The following VAT1L variants were observed in gnomAD, a reference collection of about 807,000 sequenced individuals.
The protein encoded by VAT1L is putative NADPH-dependent quinone oxidoreductase VAT1L.
Under a neutral mutation model 44.1 loss-of-function variants are expected in VAT1L, and 34 were observed. The ratio of observed to expected loss-of-function variants is 0.77; its 90% confidence interval spans 0.59 to 1.03. VAT1L has a LOEUF of 1.03. Among genes scored for constraint, VAT1L ranks in the 50% least tolerant of loss-of-function variants. The pLI, the probability that VAT1L is intolerant of heterozygous loss-of-function variation, is 0.00. For missense variants in VAT1L, 615 were observed against 538.8 expected (o/e 1.14, Z -1.40); for synonymous variants, 253 against 202.2 (o/e 1.25, Z -2.13).
At chr16:77,790,434 C>G (rs896409515) in intron 1 of VAT1L, among the ~76,000 whole-genome samples, 1 of 152,160 alleles carries the variant, frequency 6.6e-6, no homozygotes, top group Admixed American at 6.5e-5. Context: ...GTTTGGCCCA[C>G]TGCACATCCT....
rs146654986 is a variant in VAT1L, at chr16:77,928,939, G to A, written c.1078-42911G>A. On this transcript the variant is annotated intron_variant, in intron 7 of 8. Transcript: ENST00000302536. ...TCAAGCGATCCTGCCTCAGCCTCCCGAGCAGCTGGGACTACAGGTGCGCAC... is the reference window on the plus strand; with the variant it reads ...TCAAGCGATCCTGCCTCAGCCTCCCAAGCAGCTGGGACTACAGGTGCGCAC... 9.4e-4 allele frequency among the ~76,000 whole-genome samples: 143 copies of A among 152,122 alleles called. 1 individual carries two copies. Among genetic ancestry groups the A allele is most frequent in the East Asian group, 5.4e-3 (28 of 5,156 alleles).
At chr16:77,801,208 A>G (rs1597164740) in intron 1 of VAT1L, 1 of 149,870 alleles carries the variant, frequency 6.7e-6, no homozygotes, top group East Asian at 2.0e-4. Context: ...TGTGATACCA[A>G]GCATCCTACC....
intron 7 of VAT1L, among the ~76,000 whole-genome samples, chr16:77,922,523 G>C (rs762356973): frequency 1.3e-5 from 2 of 152,170 alleles, no homozygotes; most frequent in African/African-American, 4.8e-5. Flanking sequence ...ACAGGCAGCT[G>C]TCAGCGGCTT....
chr16:77,861,875 T>G (rs1193721523), intron 3 of VAT1L, among the ~76,000 whole-genome samples: 2 of 152,270 alleles, frequency 1.3e-5, no homozygotes, highest in Non-Finnish European at 2.9e-5. Flanking sequence ...CCAGAGGGAT[T>G]GAGCTCCAGT....
intron 1 of VAT1L, among the ~76,000 whole-genome samples, chr16:77,810,858 T>C (rs1011305105): frequency 6.6e-6 from 1 of 152,172 alleles, no homozygotes; most frequent in East Asian, 1.9e-4. Context: ...TAAATATATA[T>C]TGTAGCAAAT....
chr16:77,946,279 C>CTTTTTTGTTTTTTTTTTTTTTTTT (rs2017963751), intron 7 of VAT1L, among the ~76,000 whole-genome samples: 1 of 70,428 alleles, frequency 1.4e-5, no homozygotes, highest in Admixed American at 2.3e-4. Context: ...GTTACTTGTT[C>CTTTTTTGTTTTTTTTTTTTTTTTT]TTTTTTTTTT....
intron 7 of VAT1L, among the ~76,000 whole-genome samples, chr16:77,902,735 G>GGT (rs2017396660): frequency 1.5e-5 from 2 of 131,140 alleles, no homozygotes; most frequent in East Asian, 2.6e-4. Context: ...GGGGGGGTGG[G>GGT]GGGGGTGTGG....
intron 7 of VAT1L, among the ~76,000 whole-genome samples, chr16:77,948,593 T>C (rs532350643): frequency 1.3e-5 from 2 of 152,262 alleles, no homozygotes; most frequent in South Asian, 4.1e-4. Flanking sequence ...CCTGCCCCCA[T>C]ACTCCTTCCC....
At chr16:77,860,226 C>T (rs989360419) in intron 3 of VAT1L, among the ~76,000 whole-genome samples, 1 of 152,182 alleles carries the variant, frequency 6.6e-6, no homozygotes, top group Middle Eastern at 3.2e-3. Context: ...GTTTAAGCCA[C>T]TGGGTCAGTA....
At chr16:77,961,478 G>A (rs1288412024) in intron 7 of VAT1L, among the ~76,000 whole-genome samples, 2 of 152,140 alleles carry the variant, frequency 1.3e-5, no homozygotes, top group Non-Finnish European at 2.9e-5. Context: ...AGATGGAGGT[G>A]GGAGAAGAAA....
chr16:77,828,431 A>G (rs2016546906), intron 3 of VAT1L, among the ~76,000 whole-genome samples: 1 of 152,218 alleles, frequency 6.6e-6, no homozygotes, highest in Non-Finnish European at 1.5e-5. Flanking sequence ...TGGGAGGCCA[A>G]TGCGGGCGGA....
intron 3 of VAT1L, among the ~76,000 whole-genome samples, chr16:77,832,406 G>A (rs548946276): frequency 1.3e-5 from 2 of 152,262 alleles, no homozygotes; most frequent in African/African-American, 2.4e-5. Flanking sequence ...CCTACCATGA[G>A]GACAATTTAG....
intron 7 of VAT1L, among the ~76,000 whole-genome samples, chr16:77,895,037 A>T (rs530880677): frequency 6.6e-6 from 1 of 150,650 alleles, no homozygotes; most frequent in South Asian, 2.1e-4. Flanking sequence ...TTCCTGTGTG[A>T]CTTCTTTCCC....
intron 1 of VAT1L, among the ~76,000 whole-genome samples, chr16:77,789,710 C>G (rs146897218): frequency 6.6e-6 from 1 of 152,134 alleles, no homozygotes; most frequent in Non-Finnish European, 1.5e-5. Context: ...AAACCCTGAT[C>G]AGTCTCCCCG....
chr16:77,954,113 T>C (rs1024637741), intron 7 of VAT1L, among the ~76,000 whole-genome samples: 2 of 152,094 alleles, frequency 1.3e-5, no homozygotes, highest in African/African-American at 4.8e-5. Context: ...ATGGAGACAA[T>C]GAATAGGTAT....
At chr16:77,960,400 A>C (rs2018148675) in intron 7 of VAT1L, among the ~76,000 whole-genome samples, 1 of 152,146 alleles carries the variant, frequency 6.6e-6, no homozygotes, top group African/African-American at 2.4e-5. Flanking sequence ...AGGGATGTTG[A>C]GATGCCCAGA....
chr16:77,810,771 T>C (rs566367219), intron 1 of VAT1L, among the ~76,000 whole-genome samples: 1 of 152,334 alleles, frequency 6.6e-6, no homozygotes, highest in African/African-American at 2.4e-5. Context: ...ATGTATATAC[T>C]GTACTGAGCC....
intron 6 of VAT1L, among the ~76,000 whole-genome samples, chr16:77,880,212 C>T (rs377158258): frequency 2.0e-4 from 30 of 152,102 alleles, no homozygotes; most frequent in African/African-American, 6.0e-4. Context: ...GTTGGAGTGC[C>T]GTGGCATGGT....
In VAT1L at chr16:77,788,757, G is replaced by A. The variant is rs764569833; in HGVS notation, c.75G>A (p.Ala25=). 2 of 1,562,446 alleles carry A rather than the reference G, an allele frequency of 1.3e-6. No homozygotes were observed. Among genetic ancestry groups the A allele is most frequent in the Non-Finnish European group, 1.7e-6 (2 of 1,153,144 alleles). Residue 25 remains alanine (A), a synonymous_variant, in exon 1 of 9, where the codon GCG becomes GCA. Transcript: ENST00000302536. The stretch of plus-strand genomic sequence containing the variant: ...AGAAGGAGGCAGGCAAGGAGCCGGC[G>A]GAGGGCGGCGGCGGCGACGGCTCGC... ...MIEKEAGKEP[A]EGGGGDGSHR... is the part of the protein sequence containing the mutation.
Sources: allele counts gnomAD v4.1 joint callset (sites outside exome capture counted in the v4.1 genomes callset), GRCh38; gene constraint gnomAD v4.1.1; transcripts MANE v1.5; gene names NCBI Gene and HGNC (gene_info 2026-07-23, HGNC 2026-07-21).